The following UGT1A3 variants were observed in gnomAD, a reference collection of about 807,000 sequenced individuals.
UGT1A3 encodes UDP glucuronosyltransferase family 1 member A3.
UGT1A3 carries 31 observed loss-of-function variants against 41.0 expected under a neutral mutation model. The ratio of observed to expected loss-of-function variants is 0.76; its 90% CI spans 0.57 to 1.02. UGT1A3 has a LOEUF of 1.02. UGT1A3 is among the 50% of genes least tolerant of loss of function. The pLI is 0.00. For missense variants in UGT1A3, 737 were observed against 671.0 expected (o/e 1.10, Z -1.09); for synonymous variants, 262 against 257.6 (o/e 1.02, Z -0.17).
At chr2:233,753,567 A>C (rs1321356357) in intron 1 of UGT1A3, 2 of 152,130 alleles carry the variant, frequency 1.3e-5, no homozygotes, top group African/African-American at 4.8e-5. Context: ...AGAAGATGGG[A>C]CCCTTTGTGA....
chr2:233,772,783 CAGGATGACATGTGCCATTTTTCAG>C lies in UGT1A3; in HGVS notation c.*229_*252del. 7.8e-7 allele frequency: 1 copy of C among 1,277,504 alleles called. No homozygotes were observed. The highest frequency in any genetic ancestry group is 1.0e-6 in the Non-Finnish European group (1 of 966,400). 79.1% of individuals were successfully genotyped at this position (1,277,504 alleles called of 1,614,324 possible). On this transcript the variant is annotated 3_prime_UTR_variant, in exon 5 of 5. Transcript: ENST00000482026. ...TCGTGCCCCCTCTGGTGTCTTTGAT[CAGGATGACATGTGCCATTTTTCAG>C]AGGACGTGCAGACAGGCTGGCATTC... is the stretch of plus-strand genomic sequence containing the variant.
At chr2:233,765,117 T>C (rs1698755913) in intron 1 of UGT1A3, among the ~76,000 whole-genome samples, 1 of 152,162 alleles carries the variant, frequency 6.6e-6, no homozygotes, top group Admixed American at 6.5e-5. Flanking sequence ...CTCAGGACTG[T>C]TCAGGTTTTA....
chr2:233,763,369 C>A (rs1698291426), intron 1 of UGT1A3, among the ~76,000 whole-genome samples: 1 of 152,194 alleles, frequency 6.6e-6, no homozygotes. Flanking sequence ...CCTTTGTCTT[C>A]AAGCTTTCTT....
At chr2:233,770,449 T>A (rs1700082466) in intron 4 of UGT1A3, 1 of 151,928 alleles carries the variant, frequency 6.6e-6, no homozygotes, top group Non-Finnish European at 1.5e-5. Flanking sequence ...AGGTTAGGAG[T>A]TCGAAACCAA....
chr2:233,730,202 A>G (rs1380136603), intron 1 of UGT1A3, among the ~76,000 whole-genome samples: 2 of 152,160 alleles, frequency 1.3e-5, no homozygotes, highest in African/African-American at 4.8e-5. Context: ...GAGGAAGAGG[A>G]AGTAGACACG....
At chr2:233,771,035 G>A (rs1472903021) in intron 4 of UGT1A3, 1 of 152,036 alleles carries the variant, frequency 6.6e-6, no homozygotes, top group South Asian at 2.1e-4. Context: ...TGGGGGGGAA[G>A]GTGCCACACA....
At position 233,767,112 on chromosome 2, in the gene UGT1A3, C is replaced by G; in HGVS notation, c.946C>G (p.Pro316Ala). Residue 316 changes from proline (P) to alanine (A), a missense_variant, in exon 2 of 5, where the codon CCA (proline) becomes GCA (alanine). Coordinates refer to ENST00000482026, the MANE Select transcript of UGT1A3 (RefSeq NM_019093.4). The part of the protein sequence containing the change: ...FSLGSMVSEI[P>A]EKKAMAIADA... ...TTTGGGATCAATGGTCTCAGAAATT[C>G]CAGAGAAGAAAGCTATGGCAATTGC... 6.2e-7 allele frequency: 1 copy of G among 1,614,080 alleles called. No homozygotes were observed. The highest frequency in any genetic ancestry group is 8.5e-7 in the Non-Finnish European group (1 of 1,180,008).
chr2:233,740,156 C>T (rs578012287), intron 1 of UGT1A3, among the ~76,000 whole-genome samples: 1 of 151,870 alleles, frequency 6.6e-6, no homozygotes, highest in Non-Finnish European at 1.5e-5. Context: ...GAGGCCTCCC[C>T]AGTCATGTGG....
At chr2:233,739,588 C>A (rs1487878859) in intron 1 of UGT1A3, among the ~76,000 whole-genome samples, 1 of 152,180 alleles carries the variant, frequency 6.6e-6, no homozygotes, top group African/African-American at 2.4e-5. Context: ...TTGCATGGGG[C>A]CTATAGCCCC....
In UGT1A3 at chr2:233,747,934, G is replaced by A. The variant is rs544310415; in HGVS notation, c.867+17941G>A. The A allele has an allele frequency of 2.5e-6, 4 of 1,613,444 alleles. No individual in the cohort carries two copies. In the South Asian group the frequency reaches 3.3e-5, roughly 13 times the overall value. ...AGCCTTGCCTCTGAGCTTTTTCAGAGGGAGGTGTCAGTGGTGGATCTTCTC... is the reference window on the plus strand; with the variant it reads ...AGCCTTGCCTCTGAGCTTTTTCAGAAGGAGGTGTCAGTGGTGGATCTTCTC... On this transcript the variant is annotated intron_variant, in intron 1 of 4. Coordinates refer to ENST00000482026, the MANE Select transcript of UGT1A3 (RefSeq NM_019093.4).
At chr2:233,757,312 G>C (rs1288195448) in intron 1 of UGT1A3, among the ~76,000 whole-genome samples, 2 of 141,204 alleles carry the variant, frequency 1.4e-5, no homozygotes, top group African/African-American at 2.7e-5. Flanking sequence ...GGACAGGGGG[G>C]CTGGGGCCCT....
chr2:233,756,134 A>G (rs1696129657), intron 1 of UGT1A3: 1 of 152,248 alleles, frequency 6.6e-6, no homozygotes, highest in African/African-American at 2.4e-5. Flanking sequence ...TTCTCCTGAA[A>G]AATTACTGGG....
intron 1 of UGT1A3, chr2:233,755,051 C>T (rs779353656): frequency 7.5e-6 from 10 of 1,331,260 alleles, no homozygotes; most frequent in East Asian, 4.6e-5. Context: ...AGCCGCCCTC[C>T]GCCCTCGCCT....
At chr2:233,755,113 AG>A in intron 1 of UGT1A3, 1 of 1,332,540 alleles carries the variant, frequency 7.5e-7, no homozygotes, top group Non-Finnish European at 1.0e-6. Context: ...AACACCTCGT[AG>A]GCCTCAGCCA....
At chr2:233,760,288 A>T (rs1697385056) in intron 1 of UGT1A3, 1 of 1,613,272 alleles carries the variant, frequency 6.2e-7, no homozygotes, top group East Asian at 2.2e-5. Flanking sequence ...CAAAGGCGCC[A>T]TGGCTGTGGA....
At chr2:233,733,708 A>C (rs1332027237) in intron 1 of UGT1A3, among the ~76,000 whole-genome samples, 1 of 152,236 alleles carries the variant, frequency 6.6e-6, no homozygotes, top group Middle Eastern at 3.2e-3. Flanking sequence ...TTTGGTTTGC[A>C]GAATTTTACT....
Position 233,772,910 on chromosome 2 carries a change from T to C in UGT1A3, c.*351T>C. Reference sequence around the variant, plus strand: ...AAGGTGGTCCCACGGCTGCCCCTACTGCAAATGGCAGTTTTAATCTTATCT... The same window carrying C: ...AAGGTGGTCCCACGGCTGCCCCTACCGCAAATGGCAGTTTTAATCTTATCT... On this transcript the variant is annotated 3_prime_UTR_variant, in exon 5 of 5. Coordinates refer to ENST00000482026, the MANE Select transcript of UGT1A3 (RefSeq NM_019093.4). The C allele has an allele frequency of 2.5e-6, 1 of 393,908 alleles. No individual in the cohort carries two copies. Among genetic ancestry groups the C allele is most frequent in the Non-Finnish European group, 4.4e-6 (1 of 225,416 alleles). 24.4% of individuals were successfully genotyped at this position (393,908 alleles called of 1,614,324 possible). A position where few individuals can be genotyped will look rare whatever the true frequency, so the allele number is the denominator to read the frequency against.
At position 233,772,434 on chromosome 2, in the gene UGT1A3, G is replaced by A; in HGVS notation, c.1480G>A (p.Gly494Ser). The change falls in exon 5 of 5, where the codon GGT (glycine) becomes AGT (serine). Residue 494 changes from glycine to serine, a missense_variant. Physicochemically the swap from Gly to Ser is moderately conservative, Grantham distance 56 (BLOSUM62 0). Coordinates refer to ENST00000482026, the MANE Select transcript of UGT1A3 (RefSeq NM_019093.4). ...CCAGTACCATTCCTTGGACGTGATT[G>A]GTTTCCTCTTGGCCGTCGTGCTGAC... ...WYQYHSLDVI[G>S]FLLAVVLTVA... The A allele has an allele frequency of 1.2e-6, 2 of 1,614,176 alleles. No individual in the cohort carries two copies. Among genetic ancestry groups the A allele is most frequent in the Non-Finnish European group, 1.7e-6 (2 of 1,180,036 alleles).
At chr2:233,768,006 T>C in intron 3 of UGT1A3, 70 bp downstream of exon 3, 1 of 1,614,080 alleles carries the variant, frequency 6.2e-7, no homozygotes, top group South Asian at 1.1e-5. Context: ...AGCACAGCTA[T>C]TCTAAAGGAT....
Sources: allele counts gnomAD v4.1 joint callset (sites outside exome capture counted in the v4.1 genomes callset), GRCh38; gene constraint gnomAD v4.1.1; transcripts MANE v1.5; gene names NCBI Gene and HGNC (gene_info 2026-07-23, HGNC 2026-07-21).